Variants in KALRN observed in about 807,000 individuals in gnomAD.
The protein encoded by KALRN is kalirin RhoGEF kinase.
In KALRN, 70 loss-of-function variants were observed where a neutral mutation model predicts 353.7. The observed-to-expected ratio is 0.20, with a 90% CI of 0.16 to 0.24. The LOEUF (loss-of-function observed/expected upper bound fraction) is 0.24, where lower values mean the gene tolerates loss of function less well. Ranked by LOEUF, KALRN falls within the 10% of genes least tolerant of loss-of-function variation. The pLI is 1.00. For missense variants in KALRN, 2,791 were observed against 3,756.7 expected, an observed-to-expected ratio of 0.74 and a Z score of 6.72; for synonymous variants, 1,391 against 1,434.8, an observed-to-expected ratio of 0.97 and a Z score of 0.69.
intron 1 of KALRN, among the ~76,000 whole-genome samples, chr3:124,202,941 G>C (rs918895358): frequency 1.3e-5 from 2 of 152,124 alleles, no homozygotes; most frequent in African/African-American, 2.4e-5. Context: ...CAGCTGGCAG[G>C]CTGGGCCGTC....
intron 1 of KALRN, among the ~76,000 whole-genome samples, chr3:124,105,917 AATTT>A (rs2062262305): frequency 6.6e-6 from 1 of 152,186 alleles, no homozygotes; most frequent in Non-Finnish European, 1.5e-5. Flanking sequence ...AACAGAAATG[AATTT>A]ATTTATCCAT....
intron 1 of KALRN, among the ~76,000 whole-genome samples, chr3:124,170,198 C>T (rs897891538): frequency 6.6e-6 from 1 of 152,220 alleles, no homozygotes. Context: ...CCCCAAGGAA[C>T]CTTTAGCGCC....
At chr3:124,269,376 GT>G in intron 5 of KALRN, 121 bp downstream of exon 5, 2 of 1,077,826 alleles carry the variant, frequency 1.9e-6, no homozygotes, top group Non-Finnish European at 2.6e-6. Context: ...GTGCCTACTA[GT>G]TTTAGCTAAT....
At chr3:124,455,143 TA>T in intron 21 of KALRN, 33 bp from the exon 22 acceptor site, 3 of 1,611,186 alleles carry the variant, frequency 1.9e-6, no homozygotes, top group Non-Finnish European at 1.7e-6. Flanking sequence ...AGAATAAATG[TA>T]ATCCAGTAAC....
chr3:124,652,726 C>T (rs564944932), intron 38 of KALRN, among the ~76,000 whole-genome samples: 3 of 152,240 alleles, frequency 2.0e-5, no homozygotes, highest in East Asian at 1.9e-4. Flanking sequence ...TACAGGCACC[C>T]GCCACCGCAT....
chr3:124,640,614 A>T (rs937285935), intron 37 of KALRN, among the ~76,000 whole-genome samples: 3 of 152,124 alleles, frequency 2.0e-5, no homozygotes, highest in Non-Finnish European at 4.4e-5. Flanking sequence ...TCTAAATGCA[A>T]CCTTCTACAA....
At chr3:124,604,879 G>A (rs1027814808) in intron 34 of KALRN, among the ~76,000 whole-genome samples, 6 of 151,972 alleles carry the variant, frequency 3.9e-5, no homozygotes, top group African/African-American at 1.5e-4. Context: ...AATTAGGCCG[G>A]GTGCAGTAGC....
intron 1 of KALRN, among the ~76,000 whole-genome samples, chr3:124,107,928 A>C (rs1187086518): frequency 1.3e-5 from 2 of 152,192 alleles, no homozygotes; most frequent in Non-Finnish European, 2.9e-5. Flanking sequence ...TGCTTTGGCA[A>C]GCTTTCTGAA....
At chr3:124,582,760 A>ATTT (rs569492505) in intron 34 of KALRN, among the ~76,000 whole-genome samples, 7 of 135,748 alleles carry the variant, frequency 5.2e-5, no homozygotes, top group Non-Finnish European at 7.7e-5. Context: ...GCCTTGGCAC[A>ATTT]TTTTTTTTGG....
At chr3:124,331,764 A>G (rs928401310) in intron 8 of KALRN, among the ~76,000 whole-genome samples, 1 of 152,230 alleles carries the variant, frequency 6.6e-6, no homozygotes, top group Non-Finnish European at 1.5e-5. Context: ...GTAATTATAC[A>G]TATAGACACA....
chr3:124,183,969 T>C (rs1158704994), intron 1 of KALRN, among the ~76,000 whole-genome samples: 1 of 152,188 alleles, frequency 6.6e-6, no homozygotes, highest in African/African-American at 2.4e-5. Flanking sequence ...ATGAATGCCA[T>C]AATCACCATA....
chr3:124,171,265 GT>G lies in KALRN; in HGVS notation c.74-56720del, dbSNP rs1223710473. On this transcript the variant is annotated intron_variant, in intron 1 of 59. Coordinates refer to ENST00000682506, the MANE Select transcript of KALRN (RefSeq NM_001388419.1). Reference sequence around the variant, plus strand: ...TACTTGGGTTGGCATCAGCTGGGCAGTTTTTCTGCTGGTCTTACCTGGAGTC... The same window carrying G: ...TACTTGGGTTGGCATCAGCTGGGCAGTTTTCTGCTGGTCTTACCTGGAGTC... Among the ~76,000 whole-genome samples the G allele has an allele frequency of 1.2e-4, 18 of 152,306 alleles. No homozygotes were observed. The East Asian group carries it at 1.9e-3, about 16-fold the overall frequency.
intron 1 of KALRN, among the ~76,000 whole-genome samples, chr3:124,176,516 A>G: frequency 6.6e-6 from 1 of 152,142 alleles, no homozygotes; most frequent in Admixed American, 6.5e-5. Flanking sequence ...TGTGAAGAGG[A>G]TAAAGCAGCT....
chr3:124,122,677 C>A (rs1053626692), intron 1 of KALRN, among the ~76,000 whole-genome samples: 1 of 152,148 alleles, frequency 6.6e-6, no homozygotes, highest in African/African-American at 2.4e-5. Flanking sequence ...CCATATAAAA[C>A]TGCAAACTTA....
Position 124,269,082 on chromosome 3 carries a change from G to A in KALRN, c.796G>A (p.Gly266Arg). ...CATCCGCTGCAGCGACGGCTTCTCA[G>A]GACGCAACTGCATCCCGGGCAGTGC... ...QCIRCSDGFS[G>R]RNCIPGSADF... Residue 266 changes from glycine to arginine, a missense_variant, in exon 5 of 60, where the codon GGA becomes AGA. This residue lies in a region of KALRN where 366 missense variants were observed against 489.2 expected (regional missense o/e 0.75). Coordinates refer to ENST00000682506, the MANE Select transcript of KALRN (RefSeq NM_001388419.1). 5.6e-6 allele frequency: 9 copies of A among 1,612,604 alleles called. No homozygotes were observed. Among genetic ancestry groups the A allele is most frequent in the Non-Finnish European group, 7.6e-6 (9 of 1,179,540 alleles).
At chr3:124,663,235 C>A (rs1337396569) in intron 45 of KALRN, among the ~76,000 whole-genome samples, 1 of 152,222 alleles carries the variant, frequency 6.6e-6, no homozygotes, top group Non-Finnish European at 1.5e-5. Flanking sequence ...GCGTGAGCCA[C>A]CACACTGGGC....
intron 1 of KALRN, chr3:124,163,995 G>A: frequency 1.0e-6 from 1 of 985,340 alleles, no homozygotes; most frequent in Non-Finnish European, 1.2e-6. Context: ...GTAGCAAGAA[G>A]CATTGTGTTT....
In KALRN at chr3:124,325,994, C is replaced by T. The variant is rs978937452; in HGVS notation, c.1107C>T (p.Asn369=). ...FAMNSMNAYV[N]INRIMSVASR... ...TTTCTTTCCAGAATGCCTATGTCAA[C>T]ATCAACCGCATCATGTCCGTGGCTT... The change falls in exon 7 of 60, where the codon AAC becomes AAT. Residue 369 remains asparagine (N), a synonymous_variant. Coordinates refer to ENST00000682506, the MANE Select transcript of KALRN (RefSeq NM_001388419.1). 1.2e-6 allele frequency: 2 copies of T among 1,613,044 alleles called. No individual in the cohort carries two copies. Among genetic ancestry groups the T allele is most frequent in the Non-Finnish European group, 1.7e-6 (2 of 1,179,466 alleles).
At chr3:124,623,835 T>C (rs1486691787) in intron 34 of KALRN, among the ~76,000 whole-genome samples, 3 of 152,170 alleles carry the variant, frequency 2.0e-5, no homozygotes, top group African/African-American at 7.2e-5. Context: ...AGAAGGACAA[T>C]GTTTGACACA....
Sources: gnomAD v4.1 joint callset for allele counts (sites outside exome capture counted in the v4.1 genomes callset) on GRCh38, gnomAD v4.1.1 for gene constraint, gnomAD v4.1.1 regional missense constraint, MANE v1.5 for transcripts, NCBI Gene and HGNC (gene_info 2026-07-23, HGNC 2026-07-21) for gene names.